TBC1D12: variants seen among roughly 807,000 people sequenced by gnomAD.
TBC1D12 encodes the protein TBC1 domain family member 12.
TBC1D12 carries 56 observed loss-of-function variants against 86.7 expected under a neutral mutation model. The ratio of observed to expected loss-of-function variants is 0.65; its 90% confidence interval spans 0.52 to 0.81. TBC1D12 has a LOEUF of 0.81. TBC1D12 is among the 30% of genes least tolerant of loss of function. The pLI, the probability that TBC1D12 is intolerant of heterozygous loss-of-function variation, is 0.00. For missense variants in TBC1D12, 1,023 were observed against 1,038.8 expected, an observed-to-expected ratio of 0.98 and a Z score of 0.21; for synonymous variants, 421 against 411.7, an observed-to-expected ratio of 1.02 and a Z score of -0.27.
intron 6 of TBC1D12, among the ~76,000 whole-genome samples, chr10:94,501,016 T>G (rs2056388255): frequency 6.6e-6 from 1 of 150,972 alleles, no homozygotes; most frequent in Non-Finnish European, 1.5e-5. Flanking sequence ...AGATCGCGCC[T>G]GTGCACTCCA....
intron 6 of TBC1D12, among the ~76,000 whole-genome samples, chr10:94,505,944 A>G (rs1405395811): frequency 6.6e-6 from 1 of 152,038 alleles, no homozygotes; most frequent in Non-Finnish European, 1.5e-5. Flanking sequence ...GTGCATGCAT[A>G]TTTTCATTCT....
intron 1 of TBC1D12, among the ~76,000 whole-genome samples, chr10:94,438,750 A>C (rs2055338808): frequency 6.6e-6 from 1 of 151,896 alleles, no homozygotes; most frequent in Admixed American, 6.6e-5. Context: ...GGGTTTGGTC[A>C]GTTCCTAGAG....
At chr10:94,487,751 C>A (rs2056188917) in intron 3 of TBC1D12, among the ~76,000 whole-genome samples, 1 of 141,948 alleles carries the variant, frequency 7.0e-6, no homozygotes, top group Non-Finnish European at 1.5e-5. Flanking sequence ...AGCTGGAGTG[C>A]AGTGGTACAG....
At chr10:94,495,513 A>T (rs1248853341) in intron 4 of TBC1D12, among the ~76,000 whole-genome samples, 1 of 152,160 alleles carries the variant, frequency 6.6e-6, no homozygotes, top group Non-Finnish European at 1.5e-5. Flanking sequence ...CTATATGATT[A>T]CTATGTAAGA....
chr10:94,438,428 ACT>A (rs2055335231), intron 1 of TBC1D12, among the ~76,000 whole-genome samples: 2 of 149,040 alleles, frequency 1.3e-5, no homozygotes, highest in Non-Finnish European at 3.0e-5. Context: ...TTCTAATAAT[ACT>A]TACAGTGAAA....
intron 2 of TBC1D12, among the ~76,000 whole-genome samples, chr10:94,463,719 G>A (rs1024691890): frequency 2.0e-5 from 3 of 152,100 alleles, no homozygotes; most frequent in African/African-American, 7.2e-5. Context: ...AAATATAGGG[G>A]CATTACTGAA....
At chr10:94,445,832 C>T (rs1284167659) in intron 2 of TBC1D12, among the ~76,000 whole-genome samples, 1 of 151,934 alleles carries the variant, frequency 6.6e-6, no homozygotes, top group Non-Finnish European at 1.5e-5. Flanking sequence ...CCTATAATTC[C>T]AGCTGCTCGG....
At chr10:94,506,067 C>T (rs968091278) in intron 6 of TBC1D12, among the ~76,000 whole-genome samples, 47 of 149,402 alleles carry the variant, frequency 3.1e-4, no homozygotes, top group African/African-American at 1.1e-3. Context: ...AACGGAGTCT[C>T]GCTTTGTTGC....
chr10:94,496,503 A>C (rs1324395394), intron 4 of TBC1D12, among the ~76,000 whole-genome samples: 1 of 152,212 alleles, frequency 6.6e-6, no homozygotes, highest in Non-Finnish European at 1.5e-5. Context: ...GTTATGTCAG[A>C]AAATTTATAA....
At chr10:94,481,425 T>C (rs555957093) in intron 3 of TBC1D12, among the ~76,000 whole-genome samples, 1 of 151,552 alleles carries the variant, frequency 6.6e-6, no homozygotes, top group Admixed American at 6.6e-5. Flanking sequence ...TTGCTGCAGC[T>C]TCCCCATCAG....
intron 4 of TBC1D12, among the ~76,000 whole-genome samples, chr10:94,494,480 G>GTATT (rs2056288527): frequency 6.6e-6 from 1 of 152,184 alleles, no homozygotes; most frequent in Non-Finnish European, 1.5e-5. Context: ...TTAGTTGAGT[G>GTATT]TATTTTACTA....
At position 94,411,956 on chromosome 10, in the gene TBC1D12, C is replaced by CA. The variant is rs572927612; in HGVS notation, c.971+8381dup. ...CTGGATGGCAGAGTGAGACTGTCTC[C>CA]AAAAAAAAAGAGAAAATTGCTCACA... On this transcript the variant is annotated intron_variant, in intron 1 of 12. Transcript: ENST00000225235. Among the ~76,000 whole-genome samples the CA allele has an allele frequency of 2.0e-3, 296 of 150,008 alleles. 1 individual carries two copies. The highest frequency in any genetic ancestry group is 4.0e-3 in the South Asian group (19 of 4,740).
intron 9 of TBC1D12, among the ~76,000 whole-genome samples, chr10:94,520,081 CAG>C (rs1842103404): frequency 6.6e-6 from 1 of 152,092 alleles, no homozygotes; most frequent in East Asian, 1.9e-4. Flanking sequence ...CAGAAGAAGA[CAG>C]AGAAATAAGA....
chr10:94,417,840 C>T (rs1453617960), intron 1 of TBC1D12, among the ~76,000 whole-genome samples: 2 of 151,682 alleles, frequency 1.3e-5, no homozygotes, highest in Non-Finnish European at 2.9e-5. Context: ...GCTCCACCTC[C>T]CGGGTTCACG....
chr10:94,408,767 AT>A (rs2054889965), intron 1 of TBC1D12, among the ~76,000 whole-genome samples: 1 of 152,174 alleles, frequency 6.6e-6, no homozygotes, highest in African/African-American at 2.4e-5. Context: ...CTCAAAAAAA[AT>A]TCCTTTCTCA....
At chr10:94,505,041 C>G (rs756381526) in intron 6 of TBC1D12, among the ~76,000 whole-genome samples, 8 of 152,026 alleles carry the variant, frequency 5.3e-5, no homozygotes, top group Non-Finnish European at 1.0e-4. Flanking sequence ...AAATCATTAC[C>G]ACATTTTTAT....
chr10:94,523,060 A>AG (rs1394165823), intron 11 of TBC1D12, among the ~76,000 whole-genome samples: 1 of 150,342 alleles, frequency 6.7e-6, no homozygotes, highest in Non-Finnish European at 1.5e-5. Context: ...AAAAAAAAAA[A>AG]AAAGAACTTA....
At chr10:94,404,252 T>A (rs1312044063) in intron 1 of TBC1D12, among the ~76,000 whole-genome samples, 1 of 152,238 alleles carries the variant, frequency 6.6e-6, no homozygotes, top group Non-Finnish European at 1.5e-5. Flanking sequence ...AGGAAAGCCT[T>A]TTTTCTAATC....
intron 2 of TBC1D12, among the ~76,000 whole-genome samples, chr10:94,470,022 G>A (rs1319107348): frequency 6.6e-6 from 1 of 152,178 alleles, no homozygotes; most frequent in Non-Finnish European, 1.5e-5. Flanking sequence ...TGTCTCTGAA[G>A]AATTTTTGGT....
Sources: allele counts gnomAD v4.1 joint callset (sites outside exome capture counted in the v4.1 genomes callset), GRCh38; gene constraint gnomAD v4.1.1; transcripts MANE v1.5; gene names NCBI Gene and HGNC (gene_info 2026-07-23, HGNC 2026-07-21).